LAD1: variants seen among roughly 807,000 people sequenced by gnomAD.
LAD1 encodes the protein ladinin 1.
Under a neutral mutation model 54.2 loss-of-function variants are expected in LAD1, and 53 were observed. The ratio of observed to expected loss-of-function variants is 0.98; its 90% CI spans 0.78 to 1.23. The LOEUF (loss-of-function observed/expected upper bound fraction) is 1.23, where lower values mean the gene tolerates loss of function less well. Among genes scored for constraint, LAD1 ranks in the 50% most tolerant of loss-of-function variants. LAD1 has a pLI of 0.00. For synonymous variants in LAD1, 231 were observed against 257.7 expected (o/e 0.90, Z 0.99); for missense variants, 637 against 653.3 (o/e 0.98, Z 0.27).
In LAD1 at chr1:201,388,888, G is replaced by C. The variant is rs2799675; in HGVS notation, c.182+272C>G. The stretch of plus-strand genomic sequence containing the variant: ...ATGGGTTAACAATACCTCTCTCTCA[G>C]GGACATTGTGTGGATTACGTGAGCT... On this transcript the variant is annotated intron_variant, in intron 2 of 9. Coordinates refer to ENST00000391967, the MANE Select transcript of LAD1 (RefSeq NM_005558.4). Among the ~76,000 whole-genome samples, 48,033 of 151,986 alleles carry C rather than the reference G, an allele frequency of 0.32. 7,920 individuals are homozygous for C. The highest frequency in any genetic ancestry group is 0.38 in the Middle Eastern group (112 of 294).
At chr1:201,398,883 A>C (rs543175911) in intron 1 of LAD1, among the ~76,000 whole-genome samples, 1 of 152,256 alleles carries the variant, frequency 6.6e-6, no homozygotes, top group East Asian at 1.9e-4. Context: ...CCTCTCCGCC[A>C]GAGACACACG....
intron 1 of LAD1, chr1:201,397,381 C>CAGGG (rs1662310989): frequency 6.6e-6 from 1 of 152,338 alleles, no homozygotes; most frequent in African/African-American, 2.4e-5. Context: ...GGAGGGCAGG[C>CAGGG]CAGGGGCCCC....
Position 201,399,276 on chromosome 1 carries a change from G to C in LAD1, c.31C>G (p.Leu11Val). The change falls in exon 1 of 10, where the codon CTG (leucine) becomes GTG (valine). Residue 11 changes from leucine (L) to valine (V), a missense_variant. Leu to Val is a conservative substitution (Grantham distance 32). Transcript: ENST00000391967. MAVSRKDWSA[L>V]SSLARQRTLE... is the part of the protein sequence containing the mutation. ...GCTCCCTCCGGCGCTCACCTGGACAGCGCGGACCAGTCCTTCCTGCTGACA... is the reference window on the plus strand; with the variant it reads ...GCTCCCTCCGGCGCTCACCTGGACACCGCGGACCAGTCCTTCCTGCTGACA... 2 of 1,550,544 alleles carry C rather than the reference G, an allele frequency of 1.3e-6. No homozygotes were observed. The highest frequency in any genetic ancestry group is 1.7e-6 in the Non-Finnish European group (2 of 1,154,856).
In LAD1 at chr1:201,383,407, G is replaced by C; in HGVS notation, c.1176-18C>G. The C allele has an allele frequency of 9.3e-6, 15 of 1,613,532 alleles. No homozygotes were observed. Among genetic ancestry groups the C allele is most frequent in the Non-Finnish European group, 1.3e-5 (15 of 1,179,590 alleles). On this transcript the variant is annotated intron_variant, in intron 5 of 9. Coordinates refer to ENST00000391967, the MANE Select transcript of LAD1 (RefSeq NM_005558.4). The stretch of plus-strand genomic sequence containing the variant: ...TGCTGGCACTGCAGGATGGAAGATG[G>C]AACAGGCGAGCCAAGTGAGACACCC...
intron 1 of LAD1, among the ~76,000 whole-genome samples, chr1:201,391,593 G>A (rs1233094496): frequency 6.6e-6 from 1 of 152,218 alleles, no homozygotes; most frequent in East Asian, 1.9e-4. Context: ...AGAGAAGTGT[G>A]TCCACCAATA....
At chr1:201,393,354 C>T (rs914448368) in intron 1 of LAD1, among the ~76,000 whole-genome samples, 1 of 152,156 alleles carries the variant, frequency 6.6e-6, no homozygotes, top group Non-Finnish European at 1.5e-5. Flanking sequence ...AAAGCAGATG[C>T]CAGGGCTGTA....
intron 5 of LAD1, 101 bp from the exon 6 acceptor site, chr1:201,383,490 G>A (rs1662011184): frequency 9.0e-7 from 1 of 1,110,026 alleles, no homozygotes; most frequent in Non-Finnish European, 1.4e-6. Context: ...CGTTCTCATT[G>A]TGGCCAAGAG....
chr1:201,387,231 A>G (rs1662110534), intron 2 of LAD1, 53 bp from the exon 3 acceptor site: 2 of 1,452,688 alleles, frequency 1.4e-6, no homozygotes, highest in Non-Finnish European at 1.8e-6. Flanking sequence ...AAGATACCCT[A>G]AGTATACCTA....
chr1:201,386,562 G>A lies in LAD1; in HGVS notation c.799C>T (p.Leu267=), dbSNP rs562250240. The change falls in exon 3 of 10, where the codon CTG becomes TTG. Residue 267 remains leucine (L), a synonymous_variant. Coordinates refer to ENST00000391967, the MANE Select transcript of LAD1 (RefSeq NM_005558.4). Reference sequence around the variant, plus strand: ...GCAGTTGGGCTCTTCTCTGAGGCCAGTGCCTTCTCAAAGATGGAAGCTTTC... The same window carrying A: ...GCAGTTGGGCTCTTCTCTGAGGCCAATGCCTTCTCAAAGATGGAAGCTTTC... ...SEKASIFEKA[L]ASEKSPTADA... is the part of the protein sequence containing the mutation. 37 of 1,613,924 alleles carry A rather than the reference G, an allele frequency of 2.3e-5. No individual in the cohort carries two copies. In the South Asian group the frequency reaches 3.5e-4, roughly 15 times the overall value.
Position 201,381,759 on chromosome 1 carries a change from CAAACAGATCCACAGGCA to C in LAD1, c.*112_*128del. ...TATTCCTGACCCCAGGGACCCTGGCCAAACAGATCCACAGGCAAAAAGGGAACAGGGACAATGAGAGG... is the reference window on the plus strand; with the variant it reads ...TATTCCTGACCCCAGGGACCCTGGCCAAAAGGGAACAGGGACAATGAGAGG... On this transcript the variant is annotated 3_prime_UTR_variant, in exon 10 of 10. Coordinates refer to ENST00000391967, the MANE Select transcript of LAD1 (RefSeq NM_005558.4). The C allele has an allele frequency of 5.6e-6, 6 of 1,080,604 alleles. No homozygotes were observed. Among genetic ancestry groups the C allele is most frequent in the Non-Finnish European group, 8.6e-6 (6 of 697,170 alleles). 66.9% of individuals were successfully genotyped at this position (1,080,604 alleles called of 1,614,324 possible). A position where few individuals can be genotyped will look rare whatever the true frequency, so the allele number is the denominator to read the frequency against.
chr1:201,390,353 T>C (rs986439809), intron 1 of LAD1, among the ~76,000 whole-genome samples: 3 of 148,164 alleles, frequency 2.0e-5, no homozygotes, highest in Admixed American at 1.3e-4. Context: ...GGTGAAACCC[T>C]GTCTCTACTA....
chr1:201,383,551 G>C (rs1413520391), intron 5 of LAD1, 162 bp from the exon 6 acceptor site: 4 of 693,852 alleles, frequency 5.8e-6, no homozygotes, highest in Non-Finnish European at 1.0e-5. Flanking sequence ...CCAACATGAG[G>C]AACTTACAGA....
rs574549165 is a variant in LAD1 at position 201,386,258 on chromosome 1, ACT to A, written c.1026+75_1026+76del. On this transcript the variant is annotated intron_variant, in intron 3 of 9. Coordinates refer to ENST00000391967, the MANE Select transcript of LAD1 (RefSeq NM_005558.4). The stretch of plus-strand genomic sequence containing the variant: ...GATGGAGGCAGCCAGGGAACCAGGG[ACT>A]ACCTGGGTGGGACTGGCCGGCAGTG... 117 of 1,334,398 alleles carry A rather than the reference ACT, an allele frequency of 8.8e-5. 2 individuals carry two copies. In the Admixed American group the frequency reaches 2.9e-3, roughly 33 times the overall value. The allele number at this position is 1,334,398 out of a possible 1,614,324, so 82.7% of individuals were successfully genotyped here.
Position 201,384,338 on chromosome 1 carries a change from C to T in LAD1, c.1175+454G>A, listed in dbSNP as rs147675437. ...CTTCTCAGATCCTATTTCAGTTTTGCTTTTTTTTCAAAGCATAGTCCTCAG... is the reference window on the plus strand; with the variant it reads ...CTTCTCAGATCCTATTTCAGTTTTGTTTTTTTTTCAAAGCATAGTCCTCAG... On this transcript the variant is annotated intron_variant, in intron 5 of 9. Transcript: ENST00000391967. 7.2e-4 allele frequency among the ~76,000 whole-genome samples: 110 copies of T among 152,096 alleles called. No homozygotes were observed. In the Middle Eastern group the frequency reaches 0.01, roughly 14 times the overall value.
chr1:201,383,857 C>T (rs935405083), intron 5 of LAD1, among the ~76,000 whole-genome samples: 1 of 152,232 alleles, frequency 6.6e-6, no homozygotes, highest in Non-Finnish European at 1.5e-5. Flanking sequence ...CCACAGTATG[C>T]CTGTGTGCCA....
intron 2 of LAD1, among the ~76,000 whole-genome samples, chr1:201,388,254 G>A (rs1037425262): frequency 6.6e-6 from 1 of 152,158 alleles, no homozygotes; most frequent in Non-Finnish European, 1.5e-5. Flanking sequence ...ATCCGGGCAT[G>A]GTGGCAGGTG....
rs1385593593 is a variant in LAD1, at chr1:201,381,851, GAGACGA to G, written c.*31_*36del. 1.9e-6 allele frequency: 3 copies of G among 1,612,488 alleles called. No homozygotes were observed. Among genetic ancestry groups the G allele is most frequent in the Non-Finnish European group, 2.5e-6 (3 of 1,178,604 alleles). ...GGGCCTGGCATGAGGGAGGTCCCTTGAGACGAAGACTTGCAGGTCTGTCTTGGCGGG... is the reference window on the plus strand; with the variant it reads ...GGGCCTGGCATGAGGGAGGTCCCTTGAGACTTGCAGGTCTGTCTTGGCGGG... On this transcript the variant is annotated 3_prime_UTR_variant, in exon 10 of 10. Coordinates refer to ENST00000391967, the MANE Select transcript of LAD1 (RefSeq NM_005558.4).
intron 1 of LAD1, 21 bp downstream of exon 1, chr1:201,399,248 C>T (rs769299708): frequency 3.6e-4 from 550 of 1,548,894 alleles, no homozygotes; most frequent in Non-Finnish European, 4.4e-4. Context: ...CCCGCCCCTC[C>T]CGGCTCCCTC....
chr1:201,387,277 A>T, intron 2 of LAD1, 99 bp from the exon 3 acceptor site: 1 of 1,324,262 alleles, frequency 7.6e-7, no homozygotes, highest in East Asian at 2.5e-5. Flanking sequence ...ACCAAGGAGG[A>T]GGTGAGGATG....
Sources: gnomAD v4.1 joint callset for allele counts (sites outside exome capture counted in the v4.1 genomes callset) on GRCh38, gnomAD v4.1.1 for gene constraint, MANE v1.5 for transcripts, NCBI Gene and HGNC (gene_info 2026-07-23, HGNC 2026-07-21) for gene names.